TEX11: variants seen among roughly 807,000 people sequenced by gnomAD.
The protein encoded by TEX11 is testis expressed 11.
In TEX11, 7 loss-of-function variants were observed where a neutral mutation model predicts 84.4. That is an observed-to-expected ratio of 0.08 (90% CI 0.05 to 0.16). The LOEUF (loss-of-function observed/expected upper bound fraction) is 0.16, where lower values mean the gene tolerates loss of function less well. TEX11 is among the 10% of genes least tolerant of loss of function. The pLI is 1.00. For missense variants in TEX11, 551 were observed against 660.5 expected, an observed-to-expected ratio of 0.83 and a Z score of 1.82; for synonymous variants, 264 against 222.8, an observed-to-expected ratio of 1.18 and a Z score of -1.64.
intron 16 of TEX11, 21 bp from the exon 17 acceptor site, chrX:70,651,573 T>A: frequency 8.8e-7 from 1 of 1,131,411 alleles, no homozygotes; most frequent in Non-Finnish European, 1.2e-6. Flanking sequence ...AAACACTGGG[T>A]CATTTTAATA....
intron 9 of TEX11, among the ~76,000 whole-genome samples, chrX:70,767,661 G>C (rs1014997663): frequency 8.9e-6 from 1 of 111,764 alleles, no homozygotes; most frequent in Non-Finnish European, 1.9e-5. Flanking sequence ...ATATTGAAGA[G>C]ATATCTGCAC....
chrX:70,565,238 C>T (rs1323427613), intron 25 of TEX11, among the ~76,000 whole-genome samples: 11 of 101,045 alleles, frequency 1.1e-4, no homozygotes, highest in Admixed American at 9.2e-4. Flanking sequence ...CCTTCACCCA[C>T]TTTTTGATGG....
intron 12 of TEX11, among the ~76,000 whole-genome samples, 174 bp from the exon 13 acceptor site, chrX:70,722,870 G>C (rs760955554): frequency 8.9e-6 from 1 of 111,955 alleles, no homozygotes; most frequent in African/African-American, 3.2e-5. Flanking sequence ...GTGCTGGAGA[G>C]TGTCATGACA....
chrX:70,708,928 T>TAA (rs199631813), intron 13 of TEX11, among the ~76,000 whole-genome samples: 11 of 93,735 alleles, frequency 1.2e-4, no homozygotes, highest in African/African-American at 3.4e-4. Context: ...TTGAAATAAT[T>TAA]AAAAAAAAAA....
At chrX:70,730,286 A>G (rs1169089808) in intron 11 of TEX11, among the ~76,000 whole-genome samples, 1 of 111,982 alleles carries the variant, frequency 8.9e-6, no homozygotes, top group Non-Finnish European at 1.9e-5. Context: ...TGACAGGATC[A>G]AATTCACGCA....
chrX:70,542,646 G>T (rs1356229079), intron 28 of TEX11, among the ~76,000 whole-genome samples: 1 of 111,843 alleles, frequency 8.9e-6, no homozygotes, highest in East Asian at 2.8e-4. Context: ...TCAGTCTAAA[G>T]CATAATATTG....
At chrX:70,815,746 C>T (rs1381508895) in intron 8 of TEX11, among the ~76,000 whole-genome samples, 2 of 111,015 alleles carry the variant, frequency 1.8e-5, no homozygotes, top group Non-Finnish European at 3.8e-5. Context: ...TCCATTTCAT[C>T]GCTTGATTTC....
At chrX:70,803,082 C>A (rs751534157) in intron 9 of TEX11, among the ~76,000 whole-genome samples, 132 of 111,496 alleles carry the variant, frequency 1.2e-3, no homozygotes, top group Admixed American at 3.7e-3. Flanking sequence ...GACATAGGAG[C>A]TCAGTACTGC....
chrX:70,558,127 A>G (rs1251274815), intron 25 of TEX11, among the ~76,000 whole-genome samples: 3 of 111,455 alleles, frequency 2.7e-5, no homozygotes, highest in Admixed American at 1.9e-4. Context: ...AGCCTGGGCA[A>G]CAGAGCAAGA....
intron 2 of TEX11, among the ~76,000 whole-genome samples, chrX:70,904,304 T>G: frequency 9.0e-6 from 1 of 111,313 alleles, no homozygotes; most frequent in South Asian, 3.7e-4. Context: ...AGCCAGTAAA[T>G]CTATGAAAGT....
intron 17 of TEX11, among the ~76,000 whole-genome samples, chrX:70,638,248 A>G (rs2089599157): frequency 9.0e-6 from 1 of 111,416 alleles, no homozygotes; most frequent in South Asian, 3.9e-4. Flanking sequence ...AACAATAGAA[A>G]AGCAGCATAT....
At chrX:70,729,828 G>A (rs2090630850) in intron 11 of TEX11, among the ~76,000 whole-genome samples, 1 of 110,865 alleles carries the variant, frequency 9.0e-6, no homozygotes, top group Non-Finnish European at 1.9e-5. Flanking sequence ...GATATGCCTC[G>A]AGAAGAGCAA....
chrX:70,521,187 A>C, the TEX11 span, among the ~76,000 whole-genome samples: 1 of 111,244 alleles, frequency 9.0e-6, no homozygotes. Context: ...CAGGTACTTC[A>C]GTTGGAAATG....
chrX:70,858,490 C>T (rs1235661172), intron 5 of TEX11, among the ~76,000 whole-genome samples: 1 of 107,926 alleles, frequency 9.3e-6, no homozygotes, highest in Non-Finnish European at 1.9e-5. Flanking sequence ...CAAATACTAC[C>T]TGTACCCCAA....
chrX:70,776,711 C>A (rs1159344553), intron 9 of TEX11, among the ~76,000 whole-genome samples: 1 of 110,885 alleles, frequency 9.0e-6, no homozygotes, highest in African/African-American at 3.3e-5. Flanking sequence ...AAATGTGGAT[C>A]TCATGGAGGT....
chrX:70,844,517 C>T (rs1331629134), intron 7 of TEX11, among the ~76,000 whole-genome samples: 1 of 105,693 alleles, frequency 9.5e-6, no homozygotes, highest in African/African-American at 3.4e-5. Flanking sequence ...TGCTAAATGA[C>T]GAGTTAATGG....
At chrX:70,679,028 C>A in intron 14 of TEX11, 139 bp from the exon 15 acceptor site, 1 of 499,287 alleles carries the variant, frequency 2.0e-6, no homozygotes, top group South Asian at 3.9e-5. Context: ...TGAAGCTGGA[C>A]GGTACTGCTG....
chrX:70,852,987 A>T, intron 7 of TEX11, 47 bp downstream of exon 7: 1 of 1,172,627 alleles, frequency 8.5e-7, no homozygotes, highest in Non-Finnish European at 1.2e-6. Flanking sequence ...TTACTTTTAC[A>T]TATGGAAAAT....
chrX:70,704,849 T>G (rs1020111744), intron 13 of TEX11, among the ~76,000 whole-genome samples: 2 of 112,001 alleles, frequency 1.8e-5, no homozygotes, highest in African/African-American at 6.5e-5. Context: ...AGATAGGTCC[T>G]TTAGACATGA....
Sources: gnomAD v4.1 joint callset for allele counts (sites outside exome capture counted in the v4.1 genomes callset) on GRCh38, gnomAD v4.1.1 for gene constraint, MANE v1.5 for transcripts, NCBI Gene and HGNC (gene_info 2026-07-23, HGNC 2026-07-21) for gene names.